FBXO17: variants seen among roughly 807,000 people sequenced by gnomAD.
FBXO17 encodes the protein F-box only protein 17.
A neutral mutation model predicts 34.1 loss-of-function variants in FBXO17; 43 were observed. That is an observed-to-expected ratio of 1.26 (90% CI 0.99 to 1.62). FBXO17 has a LOEUF of 1.62. FBXO17 is among the 40% of genes most tolerant of loss of function. The pLI is 0.00. For missense variants in FBXO17, 424 were observed against 386.7 expected, an observed-to-expected ratio of 1.10 and a Z score of -0.81; for synonymous variants, 169 against 166.0, an observed-to-expected ratio of 1.02 and a Z score of -0.14.
intron 1 of FBXO17, among the ~76,000 whole-genome samples, chr19:38,971,335 G>T (rs917613299): frequency 6.6e-6 from 1 of 152,072 alleles, no homozygotes; most frequent in Non-Finnish European, 1.5e-5. Flanking sequence ...TCCATATGCT[G>T]CCATCAGAGA....
intron 1 of FBXO17, among the ~76,000 whole-genome samples, chr19:38,956,852 G>A (rs1357518179): frequency 2.0e-5 from 3 of 151,742 alleles, no homozygotes; most frequent in East Asian, 3.9e-4. Flanking sequence ...TGCACACAGC[G>A]AGACTCTGCC....
rs115092523 is a variant in FBXO17 at position 38,946,395 on chromosome 19, G to A, written c.557+77C>T. The A allele has an allele frequency of 6.4e-4, 1,019 of 1,598,436 alleles. 5 individuals carry two copies. In the African/African-American group the frequency reaches 0.013, roughly 20 times the overall value. Reference sequence around the variant, plus strand: ...AGCCGCTACCCGTGGGGTTGATGGGGCGGGAAATGAGCCCCTGTTGCAGAG... The same window carrying A: ...AGCCGCTACCCGTGGGGTTGATGGGACGGGAAATGAGCCCCTGTTGCAGAG... On this transcript the variant is annotated intron_variant, in intron 4 of 5. Transcript: ENST00000292852.
Position 38,946,493 on chromosome 19 carries a change from A to G in FBXO17, c.536T>C (p.Ile179Thr). 6.2e-7 allele frequency: 1 copy of G among 1,613,886 alleles called. No individual in the cohort carries two copies. The highest frequency in any genetic ancestry group is 8.5e-7 in the Non-Finnish European group (1 of 1,179,884). Residue 179 changes from isoleucine to threonine, a missense_variant, in exon 4 of 6, where the codon ATT becomes ACT. By Grantham distance (89) the Ile-to-Thr change is moderately conservative. Coordinates refer to ENST00000292852, the MANE Select transcript of FBXO17 (RefSeq NM_024907.7). ...VWQELLDSAQ[I>T]EICVADWWGA... Reference sequence around the variant, plus strand: ...TCACCAGTCAGCCACACAGATCTCAATCTGGGCGCTGTCCAGCAGCTCCTG... The same window carrying G: ...TCACCAGTCAGCCACACAGATCTCAGTCTGGGCGCTGTCCAGCAGCTCCTG...
rs1337256249 is a variant in FBXO17 at position 38,962,205 on chromosome 19, A to AT, written c.-17-11870_-17-11869insA. Among the ~76,000 whole-genome samples, 80 of 151,840 alleles carry AT rather than the reference A, an allele frequency of 5.3e-4. 2 individuals are homozygous for AT. In the East Asian group the frequency reaches 6.0e-3, roughly 11 times the overall value. On this transcript the variant is annotated intron_variant, in intron 1 of 5. Transcript: ENST00000292852. ...AACTTCGTCTCAAAAAAAAAAAATA[A>AT]AAAAAAATAAATAATAATTGGAGTT... is the stretch of plus-strand genomic sequence containing the variant.
At chr19:38,954,234 A>G (rs551853605) in intron 1 of FBXO17, among the ~76,000 whole-genome samples, 6 of 151,080 alleles carry the variant, frequency 4.0e-5, no homozygotes, top group African/African-American at 1.5e-4. Flanking sequence ...AGGAAGCCAA[A>G]GTGGGCAAGG....
rs1281509400 is a variant in FBXO17, at chr19:38,941,958, C to T, written c.*650G>A. ...CATGCCGGCAAGTCTCTGCTCCCTG[C>T]GTCGGCAGAGGGATTTATAAGCCCT... On this transcript the variant is annotated 3_prime_UTR_variant, in exon 6 of 6. Transcript: ENST00000292852. The T allele has an allele frequency of 2.0e-5, 3 of 152,148 alleles. No homozygotes were observed. The highest frequency in any genetic ancestry group is 6.5e-5 in the Admixed American group (1 of 15,278). 9.4% of individuals were successfully genotyped at this position (152,148 alleles called of 1,614,324 possible).
intron 1 of FBXO17, among the ~76,000 whole-genome samples, chr19:38,974,019 TATATATATATATAC>T (rs1177971569): frequency 7.8e-4 from 78 of 100,524 alleles, no homozygotes; most frequent in African/African-American, 2.9e-3. Context: ...TATATATGTG[TATATATATATATAC>T]ATATATATAT....
intron 1 of FBXO17, among the ~76,000 whole-genome samples, chr19:38,952,134 G>A (rs898791027): frequency 6.6e-6 from 1 of 152,008 alleles, no homozygotes; most frequent in Non-Finnish European, 1.5e-5. Flanking sequence ...CTGTAGTAGA[G>A]ATGGGGTTTC....
At chr19:38,944,274 T>TATTATTATTATTATTATC (rs1397322807) in intron 5 of FBXO17, among the ~76,000 whole-genome samples, 1 of 150,834 alleles carries the variant, frequency 6.6e-6, no homozygotes, top group African/African-American at 2.4e-5. Flanking sequence ...TTATTATTAT[T>TATTATTATTATTATTATC]ATTATTATTT....
Position 38,975,318 on chromosome 19 carries a change from G to A in FBXO17, c.-18+268C>T, listed in dbSNP as rs1251018794. Among the ~76,000 whole-genome samples the A allele has an allele frequency of 2.6e-5, 4 of 152,238 alleles. No homozygotes were observed. The East Asian group carries it at 7.7e-4, about 29-fold the overall frequency. On this transcript the variant is annotated intron_variant, in intron 1 of 5. Transcript: ENST00000292852. This position sits in a 1 kb window ranked among gnomAD's most constrained non-coding sequence, Gnocchi z 4.9. ...CGCGGACGAGCGCAGGGATGGAGAG[G>A]CCTGGGCGTTCGAACACCCACGTTC...
At chr19:38,957,711 C>T (rs1481928601) in intron 1 of FBXO17, among the ~76,000 whole-genome samples, 1 of 152,102 alleles carries the variant, frequency 6.6e-6, no homozygotes, top group Non-Finnish European at 1.5e-5. Flanking sequence ...GGGGTAGGCC[C>T]CTCGCCCAAC....
chr19:38,952,644 C>T (rs113852586), intron 1 of FBXO17: 7 of 533,826 alleles, frequency 1.3e-5, no homozygotes, highest in African/African-American at 1.2e-4. Flanking sequence ...TCTGGGCTCA[C>T]GGCCGCTCCC....
At chr19:38,945,860 G>A (rs542304186) in intron 4 of FBXO17, 15 of 188,202 alleles carry the variant, frequency 8.0e-5, no homozygotes, top group South Asian at 7.0e-4. Context: ...GTGGTCCTGC[G>A]GTTGATTCTG....
rs199622732 is a variant in FBXO17, at chr19:38,948,646, C to T, written c.382G>A (p.Gly128Arg). Reference protein sequence around the residue: ...GFRGWEVEHGGNGWAIEKNLT... With the variant: ...GFRGWEVEHGRNGWAIEKNLT... ...TTCTTTTCTATGGCCCAGCCGTTCCCGCCATGCTCCACCTCCCAGCCTCTG... is the reference window on the plus strand; with the variant it reads ...TTCTTTTCTATGGCCCAGCCGTTCCTGCCATGCTCCACCTCCCAGCCTCTG... Residue 128 changes from glycine to arginine, a missense_variant, in exon 3 of 6, where the codon GGG (glycine) becomes AGG (arginine). Coordinates refer to ENST00000292852, the MANE Select transcript of FBXO17 (RefSeq NM_024907.7). The T allele has an allele frequency of 1.1e-5, 18 of 1,613,970 alleles. No individual in the cohort carries two copies. Among genetic ancestry groups the T allele is most frequent in the African/African-American group, 5.3e-5 (4 of 74,896 alleles).
At chr19:38,957,830 G>A (rs1406555399) in intron 1 of FBXO17, among the ~76,000 whole-genome samples, 4 of 152,158 alleles carry the variant, frequency 2.6e-5, no homozygotes, top group Admixed American at 2.6e-4. Context: ...GCCCCAGTGT[G>A]GTGGCTTACG....
chr19:38,946,597 C>A (rs749490821), intron 3 of FBXO17, 30 bp from the exon 4 acceptor site: 6 of 1,603,590 alleles, frequency 3.7e-6, no homozygotes, highest in Non-Finnish European at 5.1e-6. Context: ...GGGGGCAGGG[C>A]AAACAGTCCT....
chr19:38,965,083 G>A (rs1975302318), intron 1 of FBXO17, among the ~76,000 whole-genome samples: 1 of 152,100 alleles, frequency 6.6e-6, no homozygotes, highest in African/African-American at 2.4e-5. Context: ...TGGCGGGATA[G>A]CAAGGACCAT....
At chr19:38,962,850 T>C (rs936001520) in intron 1 of FBXO17, among the ~76,000 whole-genome samples, 4 of 151,944 alleles carry the variant, frequency 2.6e-5, no homozygotes, top group Non-Finnish European at 4.4e-5. Flanking sequence ...CTTGAGTAGC[T>C]GGGACTACAG....
chr19:38,963,310 T>C (rs1033151387), intron 1 of FBXO17, among the ~76,000 whole-genome samples: 4 of 151,932 alleles, frequency 2.6e-5, no homozygotes, highest in Non-Finnish European at 5.9e-5. Context: ...TTTTTTTTTT[T>C]TTGAGGCAGG....
Sources: gnomAD v4.1 joint callset for allele counts (sites outside exome capture counted in the v4.1 genomes callset) on GRCh38, gnomAD v4.1.1 for gene constraint, Gnocchi (gnomAD v3.1) non-coding constraint, MANE v1.5 for transcripts, NCBI Gene and HGNC (gene_info 2026-07-23, HGNC 2026-07-21) for gene names.